Variants in HSPH1 observed in about 807,000 individuals in gnomAD.
HSPH1 encodes the protein heat shock protein 105 kDa.
HSPH1 carries 40 observed loss-of-function variants against 100.0 expected under a neutral mutation model. That is an observed-to-expected ratio of 0.40 (90% CI 0.31 to 0.52). The LOEUF (loss-of-function observed/expected upper bound fraction) is 0.52. Among genes scored for constraint, HSPH1 ranks in the 20% least tolerant of loss-of-function variants. HSPH1 has a pLI of 0.54. For synonymous variants in HSPH1, 403 were observed against 344.0 expected (o/e 1.17, Z -1.90); for missense variants, 876 against 1,015.1 (o/e 0.86, Z 1.86).
At chr13:31,140,137 C>A in intron 14 of HSPH1, 47 bp downstream of exon 14, 1 of 1,498,574 alleles carries the variant, frequency 6.7e-7, no homozygotes, top group Non-Finnish European at 9.0e-7. Context: ...TGATATTAAA[C>A]ACTTCATATG....
chr13:31,161,977 C>T (rs1017214584), upstream of HSPH1: 2 of 1,536,066 alleles, frequency 1.3e-6, no homozygotes, highest in South Asian at 1.2e-5. Flanking sequence ...GCGGCATTTA[C>T]TCACCGGCGC....
intron 14 of HSPH1, among the ~76,000 whole-genome samples, chr13:31,139,692 T>C (rs1956019879): frequency 6.6e-6 from 1 of 152,048 alleles, no homozygotes; most frequent in South Asian, 2.1e-4. Flanking sequence ...AGTCAGTTTC[T>C]TTTTTTCCAA....
At chr13:31,146,830 G>A (rs1956280050) in intron 10 of HSPH1, among the ~76,000 whole-genome samples, 1 of 152,140 alleles carries the variant, frequency 6.6e-6, no homozygotes, top group African/African-American at 2.4e-5. Flanking sequence ...TTACTCCAGA[G>A]ACCACTGAGT....
intron 5 of HSPH1, 39 bp downstream of exon 5, chr13:31,152,813 G>T: frequency 7.7e-7 from 1 of 1,291,038 alleles, no homozygotes; most frequent in Non-Finnish European, 1.1e-6. Flanking sequence ...CTTTAGTTCT[G>T]ATAGTATATT....
chr13:31,155,119 A>C (rs113951589), intron 3 of HSPH1, among the ~76,000 whole-genome samples: 5 of 152,284 alleles, frequency 3.3e-5, no homozygotes, highest in African/African-American at 1.2e-4. Flanking sequence ...TGTGTTGATC[A>C]CAAGACAGGA....
At chr13:31,137,953 GAAC>G (rs1955945201) in intron 17 of HSPH1, among the ~76,000 whole-genome samples, 1 of 152,082 alleles carries the variant, frequency 6.6e-6, no homozygotes, top group Non-Finnish European at 1.5e-5. Flanking sequence ...TACTCCAGAA[GAAC>G]ACTTTTCCCA....
At chr13:31,159,095 G>A (rs1482211638) in intron 1 of HSPH1, among the ~76,000 whole-genome samples, 2 of 146,976 alleles carry the variant, frequency 1.4e-5, no homozygotes, top group African/African-American at 5.0e-5. Context: ...TCTGCTCGTG[G>A]CTCAGGAATT....
chr13:31,142,015 C>T (rs542928712), intron 12 of HSPH1, among the ~76,000 whole-genome samples: 4 of 152,168 alleles, frequency 2.6e-5, no homozygotes, highest in African/African-American at 9.6e-5. Flanking sequence ...ATTTTCCAAG[C>T]CTTTGCTATG....
chr13:31,155,417 C>T (rs2137635110), intron 3 of HSPH1, 97 bp downstream of exon 3: 1 of 907,642 alleles, frequency 1.1e-6, no homozygotes, highest in East Asian at 2.7e-5. Context: ...AAAAGACCAC[C>T]TGGTGTAATT....
rs1272258117 is a variant in HSPH1, at chr13:31,154,849, C to T, written c.307-94G>A. 5 of 1,022,206 alleles carry T rather than the reference C, an allele frequency of 4.9e-6. No individual in the cohort carries two copies. The African/African-American group carries it at 6.6e-5, about 13-fold the overall frequency. The allele number at this position is 1,022,206 out of a possible 1,614,324, so 63.3% of individuals were successfully genotyped here. On this transcript the variant is annotated intron_variant, in intron 3 of 17. Coordinates refer to ENST00000320027, the MANE Select transcript of HSPH1 (RefSeq NM_006644.4). Reference sequence around the variant, plus strand: ...AAAAATTAGCACACATTCCCTTCCACAAAATCTTTATTTTATTGTTGTAGT... The same window carrying T: ...AAAAATTAGCACACATTCCCTTCCATAAAATCTTTATTTTATTGTTGTAGT...
chr13:31,161,199 AT>A (rs1205867570), intron 1 of HSPH1, among the ~76,000 whole-genome samples: 3 of 152,204 alleles, frequency 2.0e-5, no homozygotes, highest in African/African-American at 7.2e-5. Context: ...AAAACCCCCA[AT>A]AGGAAGCCCG....
intron 3 of HSPH1, 104 bp downstream of exon 3, chr13:31,155,410 A>G (rs2137635035): frequency 1.2e-6 from 1 of 851,750 alleles, no homozygotes; most frequent in Middle Eastern, 3.4e-4. Flanking sequence ...AAGAACAAAA[A>G]GACCACCTGG....
intron 2 of HSPH1, among the ~76,000 whole-genome samples, chr13:31,157,839 G>A (rs1469790044): frequency 2.0e-5 from 3 of 152,120 alleles, no homozygotes; most frequent in African/African-American, 7.2e-5. Flanking sequence ...TAAGAGATTA[G>A]ATTAATTTCA....
chr13:31,161,234 C>T (rs923941209), intron 1 of HSPH1, among the ~76,000 whole-genome samples: 2 of 152,178 alleles, frequency 1.3e-5, no homozygotes. Flanking sequence ...CCCTTAGAGT[C>T]TCGACTCTGG....
Position 31,137,482 on chromosome 13 carries a change from G to C in HSPH1, c.2413C>G (p.Pro805Ala), listed in dbSNP as rs1180404233. 6.2e-7 allele frequency: 1 copy of C among 1,613,290 alleles called. No individual in the cohort carries two copies. Among genetic ancestry groups the C allele is most frequent in the Non-Finnish European group, 8.5e-7 (1 of 1,179,682 alleles). The change falls in exon 18 of 18, where the codon CCA (proline) becomes GCA (alanine). Residue 805 changes from proline (P) to alanine (A), a missense_variant. By Grantham distance (27) the Pro-to-Ala change is conservative (BLOSUM62 -1). Transcript: ENST00000320027. Reference sequence around the variant, plus strand: ...TCCAGTTTGGGTGATTCAATTTTTGGTTTCGGTTGTGTTACAACGGGTTCA... The same window carrying C: ...TCCAGTTTGGGTGATTCAATTTTTGCTTTCGGTTGTGTTACAACGGGTTCA... The part of the protein sequence containing the change: ...TCEPVVTQPK[P>A]KIESPKLERT...
chr13:31,151,586 T>C, intron 6 of HSPH1, 23 bp downstream of exon 6: 1 of 1,596,690 alleles, frequency 6.3e-7, no homozygotes, highest in East Asian at 2.2e-5. Flanking sequence ...TTTTGGACAC[T>C]GAGTTCCAAT....
chr13:31,159,604 G>A (rs192134729), intron 1 of HSPH1, among the ~76,000 whole-genome samples: 210 of 152,286 alleles, frequency 1.4e-3, no homozygotes, highest in African/African-American at 4.7e-3. Flanking sequence ...CTTGTGAGAA[G>A]AAGGTAAGTG....
chr13:31,143,620 T>A (rs892540340), intron 12 of HSPH1, among the ~76,000 whole-genome samples, 172 bp downstream of exon 12: 1 of 152,176 alleles, frequency 6.6e-6, no homozygotes, highest in African/African-American at 2.4e-5. Context: ...TTAATTGAGC[T>A]TGAATACCTC....
rs754193474 is a variant in HSPH1 at position 31,140,321 on chromosome 13, C to G, written c.1855-12G>C. Reference sequence around the variant, plus strand: ...ATTATCATCTTACCCTGTCAGGAAACAGGAAAGGTTAATTCCAGTCTTCTA... The same window carrying G: ...ATTATCATCTTACCCTGTCAGGAAAGAGGAAAGGTTAATTCCAGTCTTCTA... On this transcript the variant is annotated splice_polypyrimidine_tract_variant and intron_variant, in intron 13 of 17. Transcript: ENST00000320027. 1.2e-6 allele frequency: 2 copies of G among 1,605,780 alleles called. No homozygotes were observed. The highest frequency in any genetic ancestry group is 3.4e-5 in the Admixed American group (2 of 59,684).
Sources: allele counts gnomAD v4.1 joint callset (sites outside exome capture counted in the v4.1 genomes callset), GRCh38; gene constraint gnomAD v4.1.1; transcripts MANE v1.5; gene names NCBI Gene and HGNC (gene_info 2026-07-23, HGNC 2026-07-21).